The following IPO11 variants were observed in gnomAD, a reference collection of about 807,000 sequenced individuals.
IPO11 encodes importin 11.
In IPO11, 66 loss-of-function variants were observed where a neutral mutation model predicts 143.2. The observed-to-expected ratio is 0.46, with a 90% confidence interval of 0.38 to 0.57. The LOEUF (loss-of-function observed/expected upper bound fraction) is 0.57. Ranked by LOEUF, IPO11 falls within the 20% of genes least tolerant of loss-of-function variation. The probability of loss-of-function intolerance (pLI) is 0.00; values close to 1 mark genes in which losing one functional copy is unlikely to be tolerated. For missense variants in IPO11, 1,026 were observed against 1,141.0 expected, an observed-to-expected ratio of 0.90 and a Z score of 1.45; for synonymous variants, 385 against 377.8, an observed-to-expected ratio of 1.02 and a Z score of -0.22.
intron 20 of IPO11, 64 bp from the exon 21 acceptor site, chr5:62,526,078 A>AT (rs1742360951): frequency 4.9e-6 from 5 of 1,023,086 alleles, no homozygotes; most frequent in Non-Finnish European, 7.5e-6. Flanking sequence ...ATGATAGGTA[A>AT]TTTTTTGGTG....
chr5:62,415,093 C>T (rs996413344), intron 1 of IPO11, among the ~76,000 whole-genome samples: 2 of 152,152 alleles, frequency 1.3e-5, no homozygotes, highest in Non-Finnish European at 2.9e-5. Flanking sequence ...GGGTACTGTA[C>T]AGGCAGCCTA....
chr5:62,429,289 T>G (rs1743886158), intron 1 of IPO11, among the ~76,000 whole-genome samples: 1 of 152,216 alleles, frequency 6.6e-6, no homozygotes. Flanking sequence ...GTGACTGGCT[T>G]CTTCTGCTTA....
chr5:62,536,212 C>G (rs1427811827), intron 22 of IPO11, among the ~76,000 whole-genome samples: 1 of 151,890 alleles, frequency 6.6e-6, no homozygotes, highest in African/African-American at 2.4e-5. Flanking sequence ...AAGCAGATGT[C>G]AAAATATGAT....
chr5:62,555,894 C>T lies in IPO11; in HGVS notation c.2460+4558C>T, dbSNP rs1453018348. 5.9e-5 allele frequency among the ~76,000 whole-genome samples: 9 copies of T among 152,260 alleles called. No individual in the cohort carries two copies. In the East Asian group the frequency reaches 1.7e-3, roughly 29 times the overall value. The stretch of plus-strand genomic sequence containing the variant: ...TGAACTCCTGGTCTCAAGAGATACT[C>T]CTGCCCCTGTCTCACAAAGCACTGG... On this transcript the variant is annotated intron_variant, in intron 26 of 29. Coordinates refer to ENST00000325324, the MANE Select transcript of IPO11 (RefSeq NM_016338.5).
intron 24 of IPO11, among the ~76,000 whole-genome samples, chr5:62,538,879 G>A (rs897019530): frequency 2.0e-5 from 3 of 152,196 alleles, no homozygotes; most frequent in Non-Finnish European, 2.9e-5. Context: ...TGAATCAGGC[G>A]AATATAGTGT....
intron 27 of IPO11, among the ~76,000 whole-genome samples, chr5:62,589,305 CT>C (rs1387307820): frequency 6.6e-6 from 1 of 152,172 alleles, no homozygotes; most frequent in Non-Finnish European, 1.5e-5. Flanking sequence ...CCTGATTTAT[CT>C]GATTACTTGA....
At chr5:62,581,950 G>A (rs1325249119) in intron 27 of IPO11, among the ~76,000 whole-genome samples, 1 of 152,144 alleles carries the variant, frequency 6.6e-6, no homozygotes, top group Non-Finnish European at 1.5e-5. Flanking sequence ...AGAGAGCTGA[G>A]TAACATCGTG....
rs1742362035 is a variant in IPO11 at position 62,526,129 on chromosome 5, A to G, written c.1897-13A>G. 2 of 1,558,564 alleles carry G rather than the reference A, an allele frequency of 1.3e-6. No individual in the cohort carries two copies. Among genetic ancestry groups the G allele is most frequent in the South Asian group, 2.2e-5 (2 of 89,714 alleles). On this transcript the variant is annotated splice_polypyrimidine_tract_variant and intron_variant, in intron 20 of 29. Coordinates refer to ENST00000325324, the MANE Select transcript of IPO11 (RefSeq NM_016338.5). ...GAGTGTCTTATTATAAGTTTTATTT[A>G]TACTTCCCATAGGGATTAGGAGCAG... is the stretch of plus-strand genomic sequence containing the variant.
intron 13 of IPO11, 49 bp from the exon 14 acceptor site, chr5:62,489,253 C>A: frequency 9.1e-7 from 1 of 1,095,030 alleles, no homozygotes; most frequent in Non-Finnish European, 1.3e-6. Context: ...TTTTAAAAAA[C>A]TAGTTTTATT....
At chr5:62,573,468 A>G (rs1744213170) in intron 27 of IPO11, among the ~76,000 whole-genome samples, 1 of 152,202 alleles carries the variant, frequency 6.6e-6, no homozygotes, top group Admixed American at 6.5e-5. Flanking sequence ...GATTTTATAT[A>G]GGGAATTTTT....
At chr5:62,564,143 T>G (rs894773102) in intron 27 of IPO11, among the ~76,000 whole-genome samples, 7 of 152,008 alleles carry the variant, frequency 4.6e-5, no homozygotes, top group African/African-American at 1.7e-4. Flanking sequence ...AATAGACTAG[T>G]GATGAAACAT....
At chr5:62,624,605 T>C (rs1282052891) in intron 29 of IPO11, among the ~76,000 whole-genome samples, 1 of 152,172 alleles carries the variant, frequency 6.6e-6, no homozygotes, top group Non-Finnish European at 1.5e-5. Context: ...GCTGAACTCC[T>C]ATCTCATCTT....
chr5:62,547,048 C>T (rs1480180594), intron 24 of IPO11, among the ~76,000 whole-genome samples: 1 of 152,108 alleles, frequency 6.6e-6, no homozygotes. Context: ...ACAAAAGAGA[C>T]TGAAACATTT....
In IPO11 at chr5:62,467,666, G is replaced by C. The variant is rs1745618430; in HGVS notation, c.649+403G>C. 2.0e-5 allele frequency among the ~76,000 whole-genome samples: 3 copies of C among 152,244 alleles called. No homozygotes were observed. In the South Asian group the frequency reaches 6.2e-4, roughly 32 times the overall value. Reference sequence around the variant, plus strand: ...CTTTCATCCCTCCTTTCCCTGGAAAGGCAAGCCTCCATCTTTCATCTTAGT... The same window carrying C: ...CTTTCATCCCTCCTTTCCCTGGAAACGCAAGCCTCCATCTTTCATCTTAGT... On this transcript the variant is annotated intron_variant, in intron 6 of 29. Coordinates refer to ENST00000325324, the MANE Select transcript of IPO11 (RefSeq NM_016338.5).
chr5:62,527,617 C>T (rs931504168), intron 21 of IPO11, among the ~76,000 whole-genome samples: 14 of 152,006 alleles, frequency 9.2e-5, no homozygotes, highest in Non-Finnish European at 1.8e-4. Context: ...GTATTACTGA[C>T]AATATATTAA....
At chr5:62,572,139 A>G (rs890788489) in intron 27 of IPO11, among the ~76,000 whole-genome samples, 1 of 152,136 alleles carries the variant, frequency 6.6e-6, no homozygotes, top group Non-Finnish European at 1.5e-5. Context: ...CTTTTGCCTA[A>G]TTTTTCTATT....
chr5:62,510,015 C>T (rs1006340947), intron 19 of IPO11, among the ~76,000 whole-genome samples: 15 of 152,218 alleles, frequency 9.9e-5, no homozygotes, highest in African/African-American at 3.6e-4. Flanking sequence ...TTCCTAGCAA[C>T]AGTGTACAAA....
intron 19 of IPO11, 67 bp downstream of exon 19, chr5:62,506,424 T>C: frequency 1.2e-6 from 1 of 852,138 alleles, no homozygotes; most frequent in Non-Finnish European, 1.9e-6. Context: ...TTCATTAATA[T>C]CCTTGACTAC....
chr5:62,601,380 A>C (rs1745501099), intron 28 of IPO11: 1 of 154,330 alleles, frequency 6.5e-6, no homozygotes, highest in Non-Finnish European at 1.4e-5. Flanking sequence ...TGCATGTATA[A>C]AATTCTGTAG....
Sources: gnomAD v4.1 joint callset for allele counts (sites outside exome capture counted in the v4.1 genomes callset) on GRCh38, gnomAD v4.1.1 for gene constraint, MANE v1.5 for transcripts, NCBI Gene and HGNC (gene_info 2026-07-23, HGNC 2026-07-21) for gene names.